Variants in STPG2 observed in about 807,000 individuals in gnomAD.
The protein encoded by STPG2 is sperm-tail PG-rich repeat-containing protein 2.
Under a neutral mutation model 54.2 loss-of-function variants are expected in STPG2, and 56 were observed. The ratio of observed to expected loss-of-function variants is 1.03; its 90% confidence interval spans 0.83 to 1.29. The LOEUF is 1.29. Among genes scored for constraint, STPG2 ranks in the 50% most tolerant of loss-of-function variants. STPG2 has a pLI of 0.00. For synonymous variants in STPG2, 200 were observed against 181.8 expected (o/e 1.10, Z -0.81); for missense variants, 596 against 544.9 (o/e 1.09, Z -0.93).
intron 7 of STPG2, among the ~76,000 whole-genome samples, chr4:97,971,730 T>C (rs1192982581): frequency 1.3e-5 from 2 of 151,918 alleles, no homozygotes; most frequent in African/African-American, 4.8e-5. Context: ...GAAACCAACA[T>C]GGAACATGTA....
At chr4:97,672,166 C>CTTTTTTTTTTTTTTTTTTTTTTTTT (rs70953079) in intron 10 of STPG2, among the ~76,000 whole-genome samples, 1 of 80,688 alleles carries the variant, frequency 1.2e-5, no homozygotes, top group African/African-American at 4.7e-5. Flanking sequence ...ACTGGTAATT[C>CTTTTTTTTTTTTTTTTTTTTTTTTT]TTTTTTTTTT....
chr4:97,538,164 C>A (rs1285249701), intron 4 of STPG2, among the ~76,000 whole-genome samples: 1 of 152,198 alleles, frequency 6.6e-6, no homozygotes, highest in Non-Finnish European at 1.5e-5. Flanking sequence ...AATGCAGCTC[C>A]TCACCAGCAA....
At chr4:97,908,329 C>G (rs1313725589) in intron 8 of STPG2, among the ~76,000 whole-genome samples, 1 of 151,938 alleles carries the variant, frequency 6.6e-6, no homozygotes, top group Non-Finnish European at 1.5e-5. Context: ...CATCTCACAC[C>G]ACTTAGAATG....
intron 10 of STPG2, among the ~76,000 whole-genome samples, chr4:97,677,952 C>T (rs1208680800): frequency 6.6e-6 from 1 of 152,064 alleles, no homozygotes; most frequent in Non-Finnish European, 1.5e-5. Context: ...ATTCAAATTG[C>T]ATGTATAAAT....
At chr4:97,701,086 C>A (rs1232594582) in intron 10 of STPG2, among the ~76,000 whole-genome samples, 1 of 152,150 alleles carries the variant, frequency 6.6e-6, no homozygotes, top group South Asian at 2.1e-4. Flanking sequence ...GCAATCCCTC[C>A]AGGGATGCAA....
chr4:97,763,839 G>C (rs548817893), intron 9 of STPG2, among the ~76,000 whole-genome samples: 1 of 152,094 alleles, frequency 6.6e-6, no homozygotes, highest in South Asian at 2.1e-4. Flanking sequence ...TGACATTGCT[G>C]GTTTCAACAT....
At chr4:97,884,305 T>C (rs1426007022) in intron 8 of STPG2, among the ~76,000 whole-genome samples, 3 of 152,104 alleles carry the variant, frequency 2.0e-5, no homozygotes, top group Non-Finnish European at 4.4e-5. Context: ...ACCCTAACCC[T>C]CAGTACCTCA....
intron 7 of STPG2, among the ~76,000 whole-genome samples, chr4:97,945,562 T>C (rs1352898562): frequency 4.6e-5 from 7 of 152,158 alleles, no homozygotes; most frequent in Admixed American, 3.9e-4. Context: ...TTATTTTCCA[T>C]TGGGTAAATA....
At chr4:98,047,533 T>A (rs979056540) in intron 5 of STPG2, among the ~76,000 whole-genome samples, 1 of 152,132 alleles carries the variant, frequency 6.6e-6, no homozygotes, top group Non-Finnish European at 1.5e-5. Flanking sequence ...GAAGTGCTCA[T>A]GCGCCTGTTT....
chr4:98,017,155 A>G (rs967597025), intron 5 of STPG2, among the ~76,000 whole-genome samples: 2 of 152,226 alleles, frequency 1.3e-5, no homozygotes, highest in Non-Finnish European at 2.9e-5. Flanking sequence ...ACCTCAGTCT[A>G]CTGAGGATGG....
intron 8 of STPG2, chr4:97,917,283 G>C (rs541502162): frequency 2.0e-5 from 3 of 152,348 alleles, no homozygotes; most frequent in African/African-American, 7.2e-5. Flanking sequence ...CTCTTCAACC[G>C]TCAGGGGCTT....
At chr4:98,026,275 A>C in intron 5 of STPG2, 4 of 768,656 alleles carry the variant, frequency 5.2e-6, no homozygotes, top group Non-Finnish European at 6.6e-6. Context: ...TAAACCAAAC[A>C]ATTTTCTATG....
chr4:97,501,273 C>T (rs1730719414), intron 4 of STPG2, among the ~76,000 whole-genome samples: 1 of 151,772 alleles, frequency 6.6e-6, no homozygotes, highest in Non-Finnish European at 1.5e-5. Context: ...CACATAAAGT[C>T]AGTGCAGATA....
At chr4:97,968,389 A>G (rs1441180927) in intron 7 of STPG2, among the ~76,000 whole-genome samples, 1 of 152,180 alleles carries the variant, frequency 6.6e-6, no homozygotes, top group African/African-American at 2.4e-5. Flanking sequence ...TTCCTTCTGA[A>G]ACTTCCAATC....
intron 10 of STPG2, among the ~76,000 whole-genome samples, chr4:97,560,414 T>C (rs1185363455): frequency 2.6e-5 from 4 of 152,120 alleles, no homozygotes; most frequent in Non-Finnish European, 5.9e-5. Flanking sequence ...TAAATCTCAT[T>C]TGAAGAACAT....
intron 10 of STPG2, among the ~76,000 whole-genome samples, chr4:97,565,480 G>A (rs184486085): frequency 1.3e-5 from 2 of 152,262 alleles, no homozygotes; most frequent in Non-Finnish European, 2.9e-5. Context: ...CTGGTGAGGA[G>A]CTGCGTTCCT....
chr4:97,904,224 T>C (rs1177485577), intron 8 of STPG2, among the ~76,000 whole-genome samples: 1 of 152,196 alleles, frequency 6.6e-6, no homozygotes, highest in East Asian at 1.9e-4. Flanking sequence ...AAGAGAGCAG[T>C]GGTTCTCCCA....
chr4:97,818,248 G>A (rs1250519492), intron 9 of STPG2, among the ~76,000 whole-genome samples: 3 of 151,644 alleles, frequency 2.0e-5, no homozygotes, highest in Non-Finnish European at 2.9e-5. Context: ...TCTTATCCAC[G>A]GGGACACGTT....
chr4:97,582,920 T>C (rs567549223), intron 10 of STPG2, among the ~76,000 whole-genome samples: 1 of 152,084 alleles, frequency 6.6e-6, no homozygotes, highest in Non-Finnish European at 1.5e-5. Context: ...TTACCAAGAA[T>C]GTGACAATTT....
Sources: gnomAD v4.1 joint callset for allele counts (sites outside exome capture counted in the v4.1 genomes callset) on GRCh38, gnomAD v4.1.1 for gene constraint, MANE v1.5 for transcripts, NCBI Gene and HGNC (gene_info 2026-07-23, HGNC 2026-07-21) for gene names.